Variants in MXI1 observed in about 807,000 individuals in gnomAD.
MXI1 encodes the protein MAX interactor 1, dimerization protein.
In MXI1, 18 loss-of-function variants were observed where a neutral mutation model predicts 36.9. That is an observed-to-expected ratio of 0.49 (90% CI 0.34 to 0.72). The LOEUF (loss-of-function observed/expected upper bound fraction) is 0.72, where lower values mean the gene tolerates loss of function less well. Ranked by LOEUF, MXI1 falls within the 30% of genes least tolerant of loss-of-function variation. The pLI, the probability that MXI1 is intolerant of heterozygous loss-of-function variation, is 0.01. For synonymous variants in MXI1, 160 were observed against 146.7 expected (o/e 1.09, Z -0.65); for missense variants, 304 against 379.1 (o/e 0.80, Z 1.64).
chr10:110,226,290 G>T, intron 1 of MXI1: 2 of 1,495,022 alleles, frequency 1.3e-6, no homozygotes, highest in Non-Finnish European at 1.8e-6. Flanking sequence ...CGAGGTAATG[G>T]CTGGGCGCCG....
chr10:110,255,007 G>A (rs1856235549), intron 3 of MXI1, among the ~76,000 whole-genome samples: 1 of 152,024 alleles, frequency 6.6e-6, no homozygotes, highest in African/African-American at 2.4e-5. Context: ...TCTATTGGAA[G>A]AAGATGCCAT....
At chr10:110,248,695 G>C (rs1262713374) in intron 3 of MXI1, among the ~76,000 whole-genome samples, 1 of 151,848 alleles carries the variant, frequency 6.6e-6, no homozygotes, top group East Asian at 1.9e-4. Context: ...TTCTTTATTA[G>C]CCCAAAGGAC....
At chr10:110,239,456 G>T (rs1855588735) in intron 2 of MXI1, among the ~76,000 whole-genome samples, 1 of 152,150 alleles carries the variant, frequency 6.6e-6, no homozygotes, top group Non-Finnish European at 1.5e-5. Context: ...CTTTTGATAT[G>T]TTGTGTCATT....
intron 3 of MXI1, among the ~76,000 whole-genome samples, chr10:110,262,059 T>C (rs1856531441): frequency 6.6e-6 from 1 of 152,108 alleles, no homozygotes; most frequent in African/African-American, 2.4e-5. Context: ...TTCAATATGA[T>C]CTCATTTATG....
intron 3 of MXI1, chr10:110,261,250 T>G (rs1286572089): frequency 1.7e-6 from 1 of 592,704 alleles, no homozygotes; most frequent in Non-Finnish European, 2.1e-6. Flanking sequence ...TTCCTAATTC[T>G]AGGACATGTC....
chr10:110,280,143 G>T, intron 5 of MXI1, 58 bp downstream of exon 5: 2 of 1,451,714 alleles, frequency 1.4e-6, no homozygotes, highest in South Asian at 2.8e-5. Flanking sequence ...CTGGATTTAG[G>T]GAAGGTATGT....
At chr10:110,243,556 C>A (rs1464927970) in intron 2 of MXI1, among the ~76,000 whole-genome samples, 1 of 152,058 alleles carries the variant, frequency 6.6e-6, no homozygotes, top group Non-Finnish European at 1.5e-5. Flanking sequence ...ATTCTTTAAG[C>A]ATTTGACATT....
intron 3 of MXI1, among the ~76,000 whole-genome samples, chr10:110,251,707 G>A (rs1039175610): frequency 6.6e-6 from 1 of 152,110 alleles, no homozygotes; most frequent in African/African-American, 2.4e-5. Flanking sequence ...GGGTAGTTAA[G>A]GAGAATGTAT....
At chr10:110,249,890 G>A (rs960618670) in intron 3 of MXI1, among the ~76,000 whole-genome samples, 40 of 152,238 alleles carry the variant, frequency 2.6e-4, no homozygotes, top group African/African-American at 8.7e-4. Flanking sequence ...TTAAATTGCT[G>A]GTGAATGGCT....
At chr10:110,276,124 C>G (rs960387131) in intron 3 of MXI1, among the ~76,000 whole-genome samples, 1 of 152,118 alleles carries the variant, frequency 6.6e-6, no homozygotes, top group African/African-American at 2.4e-5. Flanking sequence ...AGTTGTTTTC[C>G]CTTGAAGGAG....
At chr10:110,279,490 C>T (rs1028386511) in intron 4 of MXI1, among the ~76,000 whole-genome samples, 196 bp downstream of exon 4, 1 of 152,170 alleles carries the variant, frequency 6.6e-6, no homozygotes, top group Non-Finnish European at 1.5e-5. Flanking sequence ...GTTTTGACAG[C>T]GTGGCCATTT....
In MXI1 at chr10:110,207,693, G is replaced by A. The variant is rs928455022; in HGVS notation, c.-116G>A. On this transcript the variant is annotated 5_prime_UTR_variant, in exon 1 of 6. Coordinates refer to ENST00000332674, the MANE Select transcript of MXI1 (RefSeq NM_130439.3). ...CAGCGAGGCTCGGGAAGTCAGGCCG[G>A]CTTTTCGCCCCGGCGCCTTCTCTGC... 13 of 594,872 alleles carry A rather than the reference G, an allele frequency of 2.2e-5. No individual in the cohort carries two copies. The African/African-American group carries it at 2.6e-4, about 12-fold the overall frequency. The allele number at this position is 594,872 out of a possible 1,614,324, so 36.8% of individuals were successfully genotyped here.
At chr10:110,279,854 AT>A in intron 4 of MXI1, 59 bp from the exon 5 acceptor site, 1 of 1,266,848 alleles carries the variant, frequency 7.9e-7, no homozygotes, top group Non-Finnish European at 1.1e-6. Flanking sequence ...TAAAGGAGGA[AT>A]CAGTTTTATT....
At chr10:110,269,336 T>C (rs1217691931) in intron 3 of MXI1, among the ~76,000 whole-genome samples, 2 of 152,248 alleles carry the variant, frequency 1.3e-5, no homozygotes, top group Admixed American at 6.5e-5. Flanking sequence ...TGAGCTATTA[T>C]ACAACTCACA....
intron 3 of MXI1, among the ~76,000 whole-genome samples, chr10:110,248,211 G>A (rs1368427898): frequency 6.6e-6 from 1 of 152,178 alleles, no homozygotes; most frequent in Admixed American, 6.5e-5. Context: ...GGTGGAAGTG[G>A]GGAGGGATAG....
At chr10:110,280,156 G>T in intron 5 of MXI1, 71 bp downstream of exon 5, 1 of 1,329,594 alleles carries the variant, frequency 7.5e-7, no homozygotes, top group South Asian at 1.6e-5. Context: ...AGGTATGTTG[G>T]GAGGCACTGT....
intron 3 of MXI1, among the ~76,000 whole-genome samples, chr10:110,270,009 A>T (rs969335467): frequency 4.6e-5 from 7 of 152,236 alleles, no homozygotes; most frequent in Admixed American, 1.3e-4. Context: ...AAAGATAATT[A>T]AAAAATATTC....
intron 3 of MXI1, among the ~76,000 whole-genome samples, chr10:110,255,036 G>C (rs185164283): frequency 1.3e-4 from 20 of 152,330 alleles, no homozygotes; most frequent in Non-Finnish European, 2.9e-5. Flanking sequence ...TTCATAGCTA[G>C]AGCAGAAGTC....
At chr10:110,247,344 G>C (rs1164460802) in intron 3 of MXI1, among the ~76,000 whole-genome samples, 1 of 152,076 alleles carries the variant, frequency 6.6e-6, no homozygotes, top group Non-Finnish European at 1.5e-5. Flanking sequence ...GTTGCCTGTT[G>C]ACTCTGATGG....
Sources: allele counts gnomAD v4.1 joint callset (sites outside exome capture counted in the v4.1 genomes callset), GRCh38; gene constraint gnomAD v4.1.1; transcripts MANE v1.5; gene names NCBI Gene and HGNC (gene_info 2026-07-23, HGNC 2026-07-21).